The following UNC13C variants were observed in gnomAD, a reference collection of about 807,000 sequenced individuals.
The protein encoded by UNC13C is unc-13 homolog C.
UNC13C carries 174 observed loss-of-function variants against 245.4 expected under a neutral mutation model. The observed-to-expected ratio is 0.71, with a 90% CI of 0.63 to 0.80. The LOEUF is 0.80. Ranked by LOEUF, UNC13C falls within the 30% of genes least tolerant of loss-of-function variation. UNC13C has a pLI of 0.00. For synonymous variants in UNC13C, 992 were observed against 895.1 expected (o/e 1.11, Z -1.93); for missense variants, 2,829 against 2,602.9 (o/e 1.09, Z -1.89).
intron 12 of UNC13C, 107 bp downstream of exon 12, chr15:54,298,033 C>T: frequency 1.3e-6 from 1 of 791,090 alleles, no homozygotes. Flanking sequence ...AGAGTGGTTC[C>T]TGGAGTTCTG....
chr15:53,966,683 C>G, the UNC13C span, among the ~76,000 whole-genome samples: 1 of 152,014 alleles, frequency 6.6e-6, no homozygotes, highest in Middle Eastern at 3.4e-3. Context: ...AAATAATTTA[C>G]TAGAGTATAT....
intron 4 of UNC13C, among the ~76,000 whole-genome samples, chr15:54,166,554 G>C (rs780892558): frequency 6.6e-6 from 1 of 152,084 alleles, no homozygotes; most frequent in African/African-American, 2.4e-5. Flanking sequence ...GATTGGAAAG[G>C]AAGAAACAGA....
At chr15:54,525,860 C>T (rs902172874) in intron 25 of UNC13C, among the ~76,000 whole-genome samples, 1 of 152,126 alleles carries the variant, frequency 6.6e-6, no homozygotes. Flanking sequence ...CGGATAACAC[C>T]TATAACACTA....
intron 1 of UNC13C, among the ~76,000 whole-genome samples, chr15:54,010,410 ATGT>A (rs1895330007): frequency 6.6e-6 from 1 of 152,264 alleles, no homozygotes; most frequent in African/African-American, 2.4e-5. Context: ...AAATGAGCTG[ATGT>A]TGATCCTTGG....
chr15:54,238,706 T>C (rs2035772569), intron 7 of UNC13C, among the ~76,000 whole-genome samples: 1 of 152,222 alleles, frequency 6.6e-6, no homozygotes, highest in South Asian at 2.1e-4. Flanking sequence ...GCACTATAAC[T>C]TGTTTGTTGT....
In UNC13C at chr15:54,386,643, A is replaced by G. The variant is rs570700971; in HGVS notation, c.4714-6405A>G. Reference sequence around the variant, plus strand: ...CAAAGGTTGTGATTTGGCCTCCTGCACTTGTTGATGCAGAGATTGTGGGCC... The same window carrying G: ...CAAAGGTTGTGATTTGGCCTCCTGCGCTTGTTGATGCAGAGATTGTGGGCC... On this transcript the variant is annotated intron_variant, in intron 17 of 32. Coordinates refer to ENST00000260323, the MANE Select transcript of UNC13C (RefSeq NM_001080534.3). Among the ~76,000 whole-genome samples, 12 of 152,278 alleles carry G rather than the reference A, an allele frequency of 7.9e-5. 1 individual carries two copies. In the East Asian group the frequency reaches 2.3e-3, roughly 29 times the overall value.
intron 8 of UNC13C, among the ~76,000 whole-genome samples, chr15:54,256,404 T>G (rs1012972467): frequency 9.9e-5 from 15 of 152,198 alleles, no homozygotes; most frequent in African/African-American, 3.1e-4. Flanking sequence ...AGCCACAGCT[T>G]TACAGTAGTC....
At chr15:54,487,710 T>C (rs1380503272) in intron 19 of UNC13C, among the ~76,000 whole-genome samples, 1 of 131,306 alleles carries the variant, frequency 7.6e-6, no homozygotes, top group Non-Finnish European at 1.5e-5. Context: ...GAGGTTGCCA[T>C]GAGCCAAGAT....
chr15:54,252,077 T>C (rs928289125), intron 8 of UNC13C, among the ~76,000 whole-genome samples: 18 of 152,188 alleles, frequency 1.2e-4, no homozygotes, highest in Admixed American at 1.1e-3. Flanking sequence ...TGATTAAAAT[T>C]CAGCCCAACT....
At chr15:54,256,056 G>A (rs1233906802) in intron 8 of UNC13C, among the ~76,000 whole-genome samples, 1 of 152,082 alleles carries the variant, frequency 6.6e-6, no homozygotes, top group Non-Finnish European at 1.5e-5. Flanking sequence ...ATAGTATTGA[G>A]CTATTTAAAA....
At chr15:54,265,142 T>C (rs1345306399) in intron 9 of UNC13C, among the ~76,000 whole-genome samples, 4 of 151,996 alleles carry the variant, frequency 2.6e-5, no homozygotes, top group Non-Finnish European at 4.4e-5. Context: ...ATAGCTACTT[T>C]TCATTAAAGA....
At chr15:53,989,917 A>C (rs770443077) in intron 1 of UNC13C, among the ~76,000 whole-genome samples, 1 of 152,030 alleles carries the variant, frequency 6.6e-6, no homozygotes, top group Non-Finnish European at 1.5e-5. Flanking sequence ...TAAGGAAACC[A>C]GAGGAAAAAA....
At chr15:54,522,816 A>T (rs1181581169) in intron 24 of UNC13C, among the ~76,000 whole-genome samples, 1 of 152,178 alleles carries the variant, frequency 6.6e-6, no homozygotes, top group African/African-American at 2.4e-5. Flanking sequence ...CCAGCCAACC[A>T]ATTAAGTTGT....
intron 30 of UNC13C, among the ~76,000 whole-genome samples, chr15:54,619,919 T>G (rs969500993): frequency 6.6e-6 from 1 of 152,132 alleles, no homozygotes; most frequent in Non-Finnish European, 1.5e-5. Context: ...GCAGAATCAT[T>G]CAGTTTCAAA....
chr15:54,234,936 C>CT, intron 4 of UNC13C, 94 bp from the exon 5 acceptor site: 1 of 1,119,182 alleles, frequency 8.9e-7, no homozygotes, highest in Admixed American at 2.2e-5. Context: ...TCCAGGTCAT[C>CT]TTTTTCACAG....
intron 30 of UNC13C, among the ~76,000 whole-genome samples, chr15:54,586,508 C>A (rs1326977948): frequency 6.6e-6 from 1 of 152,182 alleles, no homozygotes; most frequent in South Asian, 2.1e-4. Context: ...GACACCAGTT[C>A]TATCATATTG....
intron 10 of UNC13C, among the ~76,000 whole-genome samples, chr15:54,283,402 T>G (rs1567158986): frequency 6.6e-6 from 1 of 152,172 alleles, no homozygotes; most frequent in Non-Finnish European, 1.5e-5. Flanking sequence ...TTATAAGTTT[T>G]TTTGTCTCAG....
At chr15:54,422,958 T>TACAC (rs35647420) in intron 19 of UNC13C, among the ~76,000 whole-genome samples, 8,159 of 145,924 alleles carry the variant, frequency 0.056, 296 homozygotes, top group Admixed American at 0.13. Flanking sequence ...AGCAATATAG[T>TACAC]ACACACACAC....
chr15:54,092,802 ATTTGTCTTTTAGTGTGGAT>A (rs1899644347), intron 2 of UNC13C, among the ~76,000 whole-genome samples: 1 of 152,174 alleles, frequency 6.6e-6, no homozygotes. Flanking sequence ...GACATTACTT[ATTTGTCTTTTAGTGTGGAT>A]TTTGATATTA....
Sources: gnomAD v4.1 joint callset for allele counts (sites outside exome capture counted in the v4.1 genomes callset) on GRCh38, gnomAD v4.1.1 for gene constraint, MANE v1.5 for transcripts, NCBI Gene and HGNC (gene_info 2026-07-23, HGNC 2026-07-21) for gene names.